Variants in GABRG3 observed in about 807,000 individuals in gnomAD.
The protein encoded by GABRG3 is gamma-aminobutyric acid type A receptor subunit gamma3.
Under a neutral mutation model 48.8 loss-of-function variants are expected in GABRG3, and 25 were observed. That is an observed-to-expected ratio of 0.51 (90% CI 0.37 to 0.72). The LOEUF is 0.72. Ranked by LOEUF, GABRG3 falls within the 30% of genes least tolerant of loss-of-function variation. GABRG3 has a pLI of 0.00. For missense variants in GABRG3, 394 were observed against 577.9 expected (o/e 0.68, Z 3.26); for synonymous variants, 227 against 217.6 (o/e 1.04, Z -0.38).
chr15:27,195,674 C>A (rs191072740), intron 3 of GABRG3, among the ~76,000 whole-genome samples: 1 of 151,970 alleles, frequency 6.6e-6, no homozygotes, highest in African/African-American at 2.4e-5. Flanking sequence ...TCACTCTGTT[C>A]TCTAGGCTGG....
At chr15:27,529,218 C>T (rs1023971731) in intron 9 of GABRG3, among the ~76,000 whole-genome samples, 1 of 152,062 alleles carries the variant, frequency 6.6e-6, no homozygotes, top group Non-Finnish European at 1.5e-5. Flanking sequence ...AAATATTGAC[C>T]AAGGTTTGAC....
chr15:27,182,606 T>C (rs1027456780), intron 3 of GABRG3, among the ~76,000 whole-genome samples: 1 of 152,156 alleles, frequency 6.6e-6, no homozygotes, highest in Admixed American at 6.5e-5. Flanking sequence ...CCCAGTGTGG[T>C]CCTGAGAGTT....
chr15:27,406,483 T>C (rs1887637905), intron 5 of GABRG3, among the ~76,000 whole-genome samples: 1 of 152,188 alleles, frequency 6.6e-6, no homozygotes, highest in South Asian at 2.1e-4. Context: ...ATATGATGTG[T>C]TGAGAATAGC....
In GABRG3 at chr15:27,352,525, G is replaced by A. The variant is rs1894656942; in HGVS notation, c.574+23637G>A. Among the ~76,000 whole-genome samples, 2 of 152,032 alleles carry A rather than the reference G, an allele frequency of 1.3e-5. No individual in the cohort carries two copies. Among genetic ancestry groups the A allele is most frequent in the South Asian group, 4.1e-4 (2 of 4,826 alleles). ...TCCTAGGAATGAGAACACAGGGGCC[G>A]GCAGTGTGTCTGGATGAGGAACTGT... is the stretch of plus-strand genomic sequence containing the variant. On this transcript the variant is annotated intron_variant, in intron 5 of 9. Transcript: ENST00000615808. This position sits in a 1 kb window ranked among gnomAD's most constrained non-coding sequence, Gnocchi z 4.0.
rs561061891 is a variant in GABRG3, at chr15:27,247,543, C to A, written c.271-79266C>A. 7.2e-5 allele frequency among the ~76,000 whole-genome samples: 11 copies of A among 152,286 alleles called. 1 individual carries two copies. The highest frequency in any genetic ancestry group is 6.5e-4 in the Admixed American group (10 of 15,302). On this transcript the variant is annotated intron_variant, in intron 3 of 9. Coordinates refer to ENST00000615808, the MANE Select transcript of GABRG3 (RefSeq NM_033223.5). The stretch of plus-strand genomic sequence containing the variant: ...AGATCTTCTCAAAATTCTACCCCAA[C>A]TCTACCAGGAAAGGAAAGGCTGTGT...
chr15:27,095,293 A>G (rs1421446137), intron 3 of GABRG3, among the ~76,000 whole-genome samples: 1 of 152,238 alleles, frequency 6.6e-6, no homozygotes, highest in Non-Finnish European at 1.5e-5. Context: ...TGCATGGATT[A>G]CAGAACTTCA....
intron 3 of GABRG3, among the ~76,000 whole-genome samples, chr15:27,313,980 TAAAC>T (rs1016885302): frequency 2.0e-5 from 3 of 150,780 alleles, no homozygotes; most frequent in Non-Finnish European, 4.4e-5. Context: ...AGAGGATAAA[TAAAC>T]AAAGAATAGA....
At chr15:26,998,611 G>A (rs182394783) in intron 2 of GABRG3, among the ~76,000 whole-genome samples, 115 of 152,268 alleles carry the variant, frequency 7.6e-4, no homozygotes, top group African/African-American at 2.4e-3. Context: ...TCAGTTCTCT[G>A]GACCATGCCT....
At chr15:27,034,704 T>C (rs1056691031) in intron 3 of GABRG3, among the ~76,000 whole-genome samples, 3 of 152,150 alleles carry the variant, frequency 2.0e-5, no homozygotes, top group Non-Finnish European at 2.9e-5. Context: ...AAGGCCCACA[T>C]GTCTTTTTGG....
intron 3 of GABRG3, among the ~76,000 whole-genome samples, chr15:27,219,202 T>C (rs1889368014): frequency 6.6e-6 from 1 of 152,194 alleles, no homozygotes; most frequent in Non-Finnish European, 1.5e-5. Context: ...TATTATTTTC[T>C]ATTTCTATTG....
intron 3 of GABRG3, among the ~76,000 whole-genome samples, chr15:27,245,276 A>C (rs1890237172): frequency 6.6e-6 from 1 of 152,142 alleles, no homozygotes; most frequent in African/African-American, 2.4e-5. Context: ...AGCCGTTTGG[A>C]AACACCAGAT....
chr15:27,048,767 G>T (rs907098845), intron 3 of GABRG3, among the ~76,000 whole-genome samples: 1 of 152,246 alleles, frequency 6.6e-6, no homozygotes, highest in Non-Finnish European at 1.5e-5. Flanking sequence ...TCACCATCAT[G>T]TGGCTTCTGT....
intron 3 of GABRG3, among the ~76,000 whole-genome samples, chr15:27,249,042 T>G (rs1890365225): frequency 6.6e-6 from 1 of 152,038 alleles, no homozygotes; most frequent in African/African-American, 2.4e-5. Context: ...ACACAGAGTT[T>G]AGTCAAATGG....
intron 3 of GABRG3, among the ~76,000 whole-genome samples, chr15:27,210,570 C>T (rs1213386273): frequency 6.6e-6 from 1 of 152,232 alleles, no homozygotes; most frequent in Admixed American, 6.5e-5. Flanking sequence ...CCCACCCTGA[C>T]AAGCACCACG....
At chr15:27,262,239 T>C (rs936237731) in intron 3 of GABRG3, among the ~76,000 whole-genome samples, 11 of 152,188 alleles carry the variant, frequency 7.2e-5, no homozygotes, top group African/African-American at 2.4e-4. Flanking sequence ...CGCATTTGCG[T>C]CTGTTTGCTG....
intron 3 of GABRG3, among the ~76,000 whole-genome samples, chr15:27,217,040 T>G (rs1297122296): frequency 6.7e-6 from 1 of 148,380 alleles, no homozygotes. Flanking sequence ...TGGTTTTTTG[T>G]TATTGCGATA....
chr15:27,352,119 T>C lies in GABRG3; in HGVS notation c.574+23231T>C, dbSNP rs1263909235. Among the ~76,000 whole-genome samples the C allele has an allele frequency of 6.6e-6, 1 of 151,300 alleles. No individual in the cohort carries two copies. The highest frequency in any genetic ancestry group is 2.0e-4 in the East Asian group (1 of 5,118). On this transcript the variant is annotated intron_variant, in intron 5 of 9. Coordinates refer to ENST00000615808, the MANE Select transcript of GABRG3 (RefSeq NM_033223.5). The surrounding 1 kb of genome is among the most constrained non-coding windows in gnomAD (Gnocchi z 4.0). ...ATGATGTGTGTATGTATGGTGTGTGTGTATGTATGATGTGTGTATTGTGTG... is the reference window on the plus strand; with the variant it reads ...ATGATGTGTGTATGTATGGTGTGTGCGTATGTATGATGTGTGTATTGTGTG...
At chr15:27,338,824 C>T (rs1209416571) in intron 5 of GABRG3, among the ~76,000 whole-genome samples, 2 of 152,226 alleles carry the variant, frequency 1.3e-5, no homozygotes, top group Non-Finnish European at 2.9e-5. Flanking sequence ...GTTTGCAGAG[C>T]ATATAGAGTA....
At chr15:27,438,745 T>C (rs934835131) in intron 5 of GABRG3, among the ~76,000 whole-genome samples, 2 of 152,170 alleles carry the variant, frequency 1.3e-5, no homozygotes, top group Non-Finnish European at 2.9e-5. Flanking sequence ...ACGTTTTTCT[T>C]CAAAACAGCC....
Sources: gnomAD v4.1 joint callset for allele counts (sites outside exome capture counted in the v4.1 genomes callset) on GRCh38, gnomAD v4.1.1 for gene constraint, Gnocchi (gnomAD v3.1) non-coding constraint, MANE v1.5 for transcripts, NCBI Gene and HGNC (gene_info 2026-07-23, HGNC 2026-07-21) for gene names.